ZBTB20: variants seen among roughly 807,000 people sequenced by gnomAD.
ZBTB20 encodes zinc finger and BTB domain containing 20, also known as zinc finger and BTB domain-containing protein 20.
A neutral mutation model predicts 56.9 loss-of-function variants in ZBTB20; 9 were observed. The ratio of observed to expected loss-of-function variants is 0.16; its 90% confidence interval spans 0.10 to 0.28. ZBTB20 has a LOEUF of 0.28. Among genes scored for constraint, ZBTB20 ranks in the 10% least tolerant of loss-of-function variants. The pLI, the probability that ZBTB20 is intolerant of heterozygous loss-of-function variation, is 1.00. For synonymous variants in ZBTB20, 417 were observed against 420.7 expected (o/e 0.99, Z 0.11); for missense variants, 655 against 1,003.0 (o/e 0.65, Z 4.69).
intron 2 of ZBTB20, among the ~76,000 whole-genome samples, chr3:115,035,547 A>C (rs2080879655): frequency 7.0e-6 from 1 of 143,116 alleles, no homozygotes; most frequent in African/African-American, 2.7e-5. Context: ...ACTATCAAAC[A>C]CACACACACA....
chr3:114,551,433 T>C (rs1017533912), intron 6 of ZBTB20, among the ~76,000 whole-genome samples: 1 of 152,132 alleles, frequency 6.6e-6, no homozygotes, highest in Non-Finnish European at 1.5e-5. Context: ...TGCACAAAAA[T>C]TTATTGTGGG....
chr3:114,606,934 A>G (rs913842325), intron 6 of ZBTB20, among the ~76,000 whole-genome samples: 4 of 151,800 alleles, frequency 2.6e-5, no homozygotes, highest in Non-Finnish European at 4.4e-5. Flanking sequence ...CGTCTTTACT[A>G]AAAAAATACA....
At chr3:115,035,105 A>C (rs2080860264) in intron 2 of ZBTB20, among the ~76,000 whole-genome samples, 1 of 152,136 alleles carries the variant, frequency 6.6e-6, no homozygotes, top group South Asian at 2.1e-4. Context: ...AAGATCTAAA[A>C]CTATAAAACT....
chr3:114,587,267 G>C (rs1250861453), intron 6 of ZBTB20, among the ~76,000 whole-genome samples: 1 of 152,038 alleles, frequency 6.6e-6, no homozygotes, highest in African/African-American at 2.4e-5. Context: ...AAAGTGCTGG[G>C]ATTACAGGTG....
At chr3:114,671,181 T>C (rs2061341762) in intron 6 of ZBTB20, among the ~76,000 whole-genome samples, 1 of 152,080 alleles carries the variant, frequency 6.6e-6, no homozygotes, top group Non-Finnish European at 1.5e-5. Flanking sequence ...AGTAGGGTAT[T>C]ATCTGTAAGT....
Position 114,314,695 on chromosome 3 carries a change from TA to T in ZBTB20, c.*24309del, listed in dbSNP as rs960677375. ...TCTTCCACACAAAACAGAAACCTTGTAAAATTTATTTTCGTATTTTTAAGGC... is the reference window on the plus strand; with the variant it reads ...TCTTCCACACAAAACAGAAACCTTGTAAATTTATTTTCGTATTTTTAAGGC... On this transcript the variant is annotated 3_prime_UTR_variant, in exon 12 of 12. Coordinates refer to ENST00000675478, the MANE Select transcript of ZBTB20 (RefSeq NM_001348800.3). 2 of 152,018 alleles carry T rather than the reference TA, an allele frequency of 1.3e-5. No homozygotes were observed. Among genetic ancestry groups the T allele is most frequent in the African/African-American group, 4.8e-5 (2 of 41,508 alleles). 9.4% of individuals were successfully genotyped at this position (152,018 alleles called of 1,614,324 possible).
chr3:114,881,954 C>T (rs2076415681), intron 4 of ZBTB20, among the ~76,000 whole-genome samples: 1 of 151,462 alleles, frequency 6.6e-6, no homozygotes, highest in South Asian at 2.1e-4. Context: ...TTTTCTAAGC[C>T]ATAAAGGAAA....
chr3:114,668,936 T>C (rs1225998901), intron 6 of ZBTB20, among the ~76,000 whole-genome samples: 1 of 152,006 alleles, frequency 6.6e-6, no homozygotes, highest in Admixed American at 6.6e-5. Flanking sequence ...TCAGATCGGA[T>C]CAGATTTTTC....
chr3:114,909,525 T>C lies in ZBTB20; in HGVS notation c.-455-9183A>G, dbSNP rs553551213. On this transcript the variant is annotated intron_variant, in intron 3 of 11. Transcript: ENST00000675478. ...TAAAGTCTACAGTAGCATACAGTAATGTCCTAGGCCTTCACATTCATTAAC... is the reference window on the plus strand; with the variant it reads ...TAAAGTCTACAGTAGCATACAGTAACGTCCTAGGCCTTCACATTCATTAAC... Among the ~76,000 whole-genome samples the C allele has an allele frequency of 1.6e-4, 25 of 152,158 alleles. 1 individual carries two copies. Among genetic ancestry groups the C allele is most frequent in the Admixed American group, 1.0e-3 (16 of 15,242 alleles).
intron 2 of ZBTB20, among the ~76,000 whole-genome samples, chr3:115,067,911 T>C (rs1263970593): frequency 3.3e-5 from 5 of 152,080 alleles, no homozygotes; most frequent in Non-Finnish European, 7.4e-5. Context: ...CTGGACCAGT[T>C]ATAGATATGC....
At chr3:114,514,377 G>C (rs2109843151) in intron 6 of ZBTB20, among the ~76,000 whole-genome samples, 1 of 152,230 alleles carries the variant, frequency 6.6e-6, no homozygotes, top group South Asian at 2.1e-4. Context: ...GATAACTAGA[G>C]GATGGTATCT....
intron 7 of ZBTB20, among the ~76,000 whole-genome samples, chr3:114,401,192 A>G (rs1023958166): frequency 7.0e-6 from 1 of 142,114 alleles, no homozygotes; most frequent in Non-Finnish European, 1.5e-5. Flanking sequence ...AGCACAATTG[A>G]ATTTTTTTGT....
chr3:114,592,627 G>T (rs183990364), intron 6 of ZBTB20, among the ~76,000 whole-genome samples: 11 of 152,260 alleles, frequency 7.2e-5, no homozygotes, highest in Admixed American at 6.5e-4. Flanking sequence ...CACCATTTGT[G>T]CAAGAGTCTG....
At chr3:114,841,519 T>C (rs2074383504) in intron 4 of ZBTB20, among the ~76,000 whole-genome samples, 1 of 152,162 alleles carries the variant, frequency 6.6e-6, no homozygotes, top group African/African-American at 2.4e-5. Flanking sequence ...GATAAGATGG[T>C]ACCCTGGATG....
chr3:115,015,567 T>C (rs566501980), intron 2 of ZBTB20, among the ~76,000 whole-genome samples: 23 of 151,822 alleles, frequency 1.5e-4, no homozygotes, highest in Middle Eastern at 6.8e-3. Context: ...AGAATATGTG[T>C]TGTTTGGTTC....
At chr3:114,487,045 A>G (rs922823185) in intron 7 of ZBTB20, among the ~76,000 whole-genome samples, 6 of 152,218 alleles carry the variant, frequency 3.9e-5, no homozygotes, top group Non-Finnish European at 7.3e-5. Flanking sequence ...CAAGTGTCCT[A>G]GTAGCATGAC....
intron 6 of ZBTB20, among the ~76,000 whole-genome samples, chr3:114,542,281 T>C (rs1197027847): frequency 2.6e-5 from 4 of 152,154 alleles, no homozygotes; most frequent in Non-Finnish European, 5.9e-5. Context: ...TGTGTCTAAA[T>C]AGAAAATGTG....
intron 4 of ZBTB20, among the ~76,000 whole-genome samples, chr3:114,834,418 A>C (rs2074015472): frequency 6.6e-6 from 1 of 152,168 alleles, no homozygotes. Flanking sequence ...CTGTTATCAG[A>C]CAATAATAAA....
At chr3:114,966,058 A>T (rs2077635971) in intron 3 of ZBTB20, among the ~76,000 whole-genome samples, 1 of 152,202 alleles carries the variant, frequency 6.6e-6, no homozygotes, top group Non-Finnish European at 1.5e-5. Context: ...AAAGAATGCC[A>T]TCCAAACTAC....
Sources: gnomAD v4.1 joint callset for allele counts (sites outside exome capture counted in the v4.1 genomes callset) on GRCh38, gnomAD v4.1.1 for gene constraint, MANE v1.5 for transcripts, NCBI Gene and HGNC (gene_info 2026-07-23, HGNC 2026-07-21) for gene names.